Variants in CDH4 observed in about 807,000 individuals in gnomAD.
The protein encoded by CDH4 is cadherin 4, also known as cadherin-4.
A neutral mutation model predicts 86.0 loss-of-function variants in CDH4; 33 were observed. That is an observed-to-expected ratio of 0.38 (90% CI 0.29 to 0.51). CDH4 has a LOEUF of 0.51. CDH4 is among the 20% of genes least tolerant of loss of function. The probability of loss-of-function intolerance (pLI) is 0.86; values close to 1 mark genes in which losing one functional copy is unlikely to be tolerated. For missense variants in CDH4, 1,114 were observed against 1,307.4 expected (o/e 0.85, Z 2.28); for synonymous variants, 555 against 549.4 (o/e 1.01, Z -0.14).
chr20:61,661,825 C>A (rs2087260780), intron 2 of CDH4, among the ~76,000 whole-genome samples: 1 of 152,076 alleles, frequency 6.6e-6, no homozygotes, highest in African/African-American at 2.4e-5. Flanking sequence ...AGGTCTCTGG[C>A]AGGTGCGGAG....
At chr20:61,594,297 A>G in intron 2 of CDH4, among the ~76,000 whole-genome samples, 1 of 141,704 alleles carries the variant, frequency 7.1e-6, no homozygotes, top group Non-Finnish European at 1.5e-5. Flanking sequence ...AGCAGGGAAG[A>G]AGGTTGGGGG....
At chr20:61,597,845 C>T (rs1229563817) in intron 2 of CDH4, among the ~76,000 whole-genome samples, 1 of 152,192 alleles carries the variant, frequency 6.6e-6, no homozygotes, top group East Asian at 1.9e-4. Context: ...GCCTCAGATG[C>T]AGCCGGGCGT....
chr20:61,565,215 CGGTGGTAGGTGGTGGTGGT>C (rs1248599946), intron 2 of CDH4, among the ~76,000 whole-genome samples: 3 of 41,166 alleles, frequency 7.3e-5, no homozygotes, highest in African/African-American at 1.5e-4. Flanking sequence ...GCGGTGCTCT[CGGTGGTAGGTGGTGGTGGT>C]GGTGGTGGCG....
chr20:61,804,662 G>T (rs6061834), intron 4 of CDH4, among the ~76,000 whole-genome samples: 74,740 of 152,062 alleles, frequency 0.49, 18,869 homozygotes, highest in Non-Finnish European at 0.55. Flanking sequence ...TGCTGCCTCA[G>T]TGTGGGGATC....
intron 2 of CDH4, among the ~76,000 whole-genome samples, chr20:61,649,596 G>A (rs1487933416): frequency 1.3e-5 from 2 of 152,174 alleles, no homozygotes; most frequent in East Asian, 3.9e-4. Flanking sequence ...CAGGTGCATC[G>A]CTTCCTGCAG....
chr20:61,617,673 G>A lies in CDH4; in HGVS notation c.170-125890G>A, dbSNP rs372841395. On this transcript the variant is annotated intron_variant, in intron 2 of 15. Coordinates refer to ENST00000614565, the MANE Select transcript of CDH4 (RefSeq NM_001794.5). The stretch of plus-strand genomic sequence containing the variant: ...GTGAAGCAGGGGGCATGAACGCCCT[G>A]AGCACAATCCTCCAAGAATCAGCTG... Among the ~76,000 whole-genome samples the A allele has an allele frequency of 4.6e-5, 7 of 152,224 alleles. No homozygotes were observed. In the East Asian group the frequency reaches 5.8e-4, roughly 13 times the overall value.
intron 2 of CDH4, among the ~76,000 whole-genome samples, chr20:61,511,437 T>A (rs1409317725): frequency 6.6e-6 from 1 of 152,186 alleles, no homozygotes; most frequent in Non-Finnish European, 1.5e-5. Context: ...GAATTCATTT[T>A]AAAAAAGTCC....
chr20:61,443,896 C>G (rs2085327088), intron 2 of CDH4, among the ~76,000 whole-genome samples: 1 of 149,272 alleles, frequency 6.7e-6, no homozygotes, highest in African/African-American at 2.5e-5. Flanking sequence ...GTGTATGTGT[C>G]TGTGTGTGTG....
chr20:61,781,864 G>A (rs1488405347), intron 4 of CDH4, among the ~76,000 whole-genome samples: 2 of 152,200 alleles, frequency 1.3e-5, no homozygotes, highest in Admixed American at 6.5e-5. Context: ...CTAAAGTAGA[G>A]GAAAAGGTGC....
intron 2 of CDH4, among the ~76,000 whole-genome samples, chr20:61,299,846 T>C (rs1429382426): frequency 6.6e-6 from 1 of 152,142 alleles, no homozygotes; most frequent in Non-Finnish European, 1.5e-5. Context: ...GGCCCTAAAC[T>C]ATAAGCCATA....
At chr20:61,299,446 C>T (rs1025319270) in intron 2 of CDH4, among the ~76,000 whole-genome samples, 2 of 152,242 alleles carry the variant, frequency 1.3e-5, no homozygotes, top group Non-Finnish European at 2.9e-5. Context: ...ATGGCAGCCA[C>T]GGGAAACTGA....
chr20:61,811,903 C>T lies in CDH4; in HGVS notation c.577-32765C>T, dbSNP rs1013639595. Among the ~76,000 whole-genome samples the T allele has an allele frequency of 2.0e-5, 3 of 152,080 alleles. No homozygotes were observed. Among genetic ancestry groups the T allele is most frequent in the South Asian group, 2.1e-4 (1 of 4,810 alleles). On this transcript the variant is annotated intron_variant, in intron 4 of 15. Coordinates refer to ENST00000614565, the MANE Select transcript of CDH4 (RefSeq NM_001794.5). This position sits in a 1 kb window ranked among gnomAD's most constrained non-coding sequence, Gnocchi z 4.4. ...GCCAGGCTGGTCTCGAACTCCTGAC[C>T]GCAGGTGATCCACCTACCTCGGCCT...
At chr20:61,858,137 C>CTG (rs1270737019) in intron 6 of CDH4, among the ~76,000 whole-genome samples, 9 of 138,920 alleles carry the variant, frequency 6.5e-5, no homozygotes, top group Admixed American at 2.2e-4. Context: ...GTGTCTGCAT[C>CTG]TGTGTGTGTG....
In CDH4 at chr20:61,851,570, G is replaced by T. The variant is rs147341435; in HGVS notation, c.733-1184G>T. ...TTTTGCTGCAAATACCTTGAGTGAG[G>T]TCTGTTGTGTCCAACTTCGAGGGTG... is the stretch of plus-strand genomic sequence containing the variant. On this transcript the variant is annotated intron_variant, in intron 5 of 15. Coordinates refer to ENST00000614565, the MANE Select transcript of CDH4 (RefSeq NM_001794.5). Among the ~76,000 whole-genome samples, 17 of 152,330 alleles carry T rather than the reference G, an allele frequency of 1.1e-4. No homozygotes were observed. The East Asian group carries it at 3.3e-3, about 29-fold the overall frequency.
intron 2 of CDH4, among the ~76,000 whole-genome samples, chr20:61,340,550 G>T (rs2084644488): frequency 6.6e-6 from 1 of 152,044 alleles, no homozygotes. Flanking sequence ...CTTAGAGTGG[G>T]CCATAAAACA....
chr20:61,867,904 C>G, intron 6 of CDH4, among the ~76,000 whole-genome samples: 1 of 152,198 alleles, frequency 6.6e-6, no homozygotes, highest in South Asian at 2.1e-4. Flanking sequence ...TCCGATGACT[C>G]CGGCCATCTC....
intron 2 of CDH4, among the ~76,000 whole-genome samples, chr20:61,723,454 C>T (rs1382204059): frequency 2.6e-5 from 4 of 152,312 alleles, no homozygotes; most frequent in East Asian, 1.9e-4. Context: ...CAGCCTCCTC[C>T]GGGCTTGGCT....
chr20:61,595,049 C>T (rs2086545684), intron 2 of CDH4, among the ~76,000 whole-genome samples: 1 of 152,240 alleles, frequency 6.6e-6, no homozygotes, highest in African/African-American at 2.4e-5. Flanking sequence ...CTGTCATTAG[C>T]TCGTGTTGCA....
At chr20:61,900,111 G>C (rs1047462238) in intron 8 of CDH4, among the ~76,000 whole-genome samples, 9 of 141,800 alleles carry the variant, frequency 6.3e-5, no homozygotes, top group Admixed American at 2.0e-4. Flanking sequence ...CAGCCTCAGC[G>C]GGGGGGACTG....
Sources: gnomAD v4.1 joint callset for allele counts (sites outside exome capture counted in the v4.1 genomes callset) on GRCh38, gnomAD v4.1.1 for gene constraint, Gnocchi (gnomAD v3.1) non-coding constraint, MANE v1.5 for transcripts, NCBI Gene and HGNC (gene_info 2026-07-23, HGNC 2026-07-21) for gene names.